Variants in PRKG1 observed in about 807,000 individuals in gnomAD.
PRKG1 encodes cGMP-dependent protein kinase 1.
A neutral mutation model predicts 88.1 loss-of-function variants in PRKG1; 35 were observed. The observed-to-expected ratio is 0.40, with a 90% confidence interval of 0.30 to 0.53. The LOEUF is 0.53. Ranked by LOEUF, PRKG1 falls within the 20% of genes least tolerant of loss-of-function variation. PRKG1 has a pLI of 0.59. For synonymous variants in PRKG1, 303 were observed against 292.5 expected, an observed-to-expected ratio of 1.04 and a Z score of -0.37; for missense variants, 540 against 839.8, an observed-to-expected ratio of 0.64 and a Z score of 4.41.
chr10:51,575,606 A>G (rs1409232340), intron 3 of PRKG1, among the ~76,000 whole-genome samples: 1 of 152,002 alleles, frequency 6.6e-6, no homozygotes, highest in African/African-American at 2.4e-5. Flanking sequence ...CTACCAGGAA[A>G]ACAATGGTAA....
intron 1 of PRKG1, among the ~76,000 whole-genome samples, chr10:51,053,610 T>C (rs1393565466): frequency 1.3e-5 from 2 of 152,194 alleles, no homozygotes; most frequent in African/African-American, 4.8e-5. Flanking sequence ...ACATGGGAAC[T>C]AGACTTTAAC....
intron 3 of PRKG1, among the ~76,000 whole-genome samples, chr10:51,578,281 A>G (rs12247919): frequency 0.069 from 10,482 of 152,226 alleles, 1,196 homozygotes; most frequent in African/African-American, 0.24. Context: ...AAGTGGTCAA[A>G]TTAATAACCT....
At chr10:51,025,558 C>T (rs902671921) in intron 1 of PRKG1, among the ~76,000 whole-genome samples, 2 of 152,166 alleles carry the variant, frequency 1.3e-5, no homozygotes, top group African/African-American at 2.4e-5. Context: ...GGCTGCCCAA[C>T]TCTGTCATGC....
chr10:51,158,251 A>C (rs1020678903), intron 2 of PRKG1, among the ~76,000 whole-genome samples: 16 of 151,994 alleles, frequency 1.1e-4, no homozygotes, highest in Middle Eastern at 3.4e-3. Context: ...TGTTATCTAC[A>C]TGTTAATAAA....
chr10:51,925,510 G>C (rs144154011), intron 5 of PRKG1, among the ~76,000 whole-genome samples: 2 of 152,108 alleles, frequency 1.3e-5, no homozygotes, highest in Middle Eastern at 3.2e-3. Context: ...AGACTAGAGG[G>C]AACTGGACTG....
At chr10:51,823,272 A>T (rs768208267) in intron 4 of PRKG1, among the ~76,000 whole-genome samples, 1 of 152,200 alleles carries the variant, frequency 6.6e-6, no homozygotes, top group Non-Finnish European at 1.5e-5. Context: ...TTTAATAAAA[A>T]GTCTAACATA....
At chr10:51,313,859 T>C (rs1841254626) in intron 2 of PRKG1, among the ~76,000 whole-genome samples, 1 of 152,222 alleles carries the variant, frequency 6.6e-6, no homozygotes, top group Non-Finnish European at 1.5e-5. Context: ...TTCAGTGTAG[T>C]ACTTGGCACA....
chr10:51,347,500 A>G (rs1842139141), intron 2 of PRKG1, among the ~76,000 whole-genome samples: 1 of 152,234 alleles, frequency 6.6e-6, no homozygotes, highest in East Asian at 1.9e-4. Context: ...TGGTTGTTGG[A>G]ATACCAGCCA....
rs536930415 is a variant in PRKG1 at position 51,664,791 on chromosome 10, A to AT, written c.593-139787dup. Among the ~76,000 whole-genome samples, 205 of 152,294 alleles carry AT rather than the reference A, an allele frequency of 1.3e-3. 1 individual carries two copies. The highest frequency in any genetic ancestry group is 6.8e-3 in the Middle Eastern group (2 of 294). ...AAACTTCCTGAACATCAATGTTCTC[A>AT]TTTTTTTAAATGAAGAAGATAGTAC... On this transcript the variant is annotated intron_variant, in intron 3 of 17. Coordinates refer to ENST00000373980, the MANE Select transcript of PRKG1 (RefSeq NM_006258.4).
chr10:51,748,958 AG>A (rs2132505595), intron 3 of PRKG1, among the ~76,000 whole-genome samples: 1 of 152,352 alleles, frequency 6.6e-6, no homozygotes, highest in Non-Finnish European at 1.5e-5. Flanking sequence ...GGGAGAAGAA[AG>A]GAAAATGAAG....
chr10:52,264,886 A>C (rs1332365593), intron 10 of PRKG1, among the ~76,000 whole-genome samples: 1 of 151,990 alleles, frequency 6.6e-6, no homozygotes, highest in African/African-American at 2.4e-5. Flanking sequence ...AGAGAATATG[A>C]ACATAAATGT....
At position 51,538,559 on chromosome 10, in the gene PRKG1, G is replaced by A. The variant is rs116191620; in HGVS notation, c.592+70723G>A. 2.8e-3 allele frequency among the ~76,000 whole-genome samples: 389 copies of A among 137,710 alleles called. 1 individual carries two copies. The highest frequency in any genetic ancestry group is 9.5e-3 in the African/African-American group (354 of 37,414). The allele number at this position is 137,710 out of a possible 152,430, so 90.3% of individuals were successfully genotyped here. A position where few individuals can be genotyped will look rare whatever the true frequency, so the allele number is the denominator to read the frequency against. On this transcript the variant is annotated intron_variant, in intron 3 of 17. Coordinates refer to ENST00000373980, the MANE Select transcript of PRKG1 (RefSeq NM_006258.4). ...GAACCAGTTTGATTTTTAAATTAACGGGCTGTTATAGAGGACAAAAAAGAT... is the reference window on the plus strand; with the variant it reads ...GAACCAGTTTGATTTTTAAATTAACAGGCTGTTATAGAGGACAAAAAAGAT...
intron 3 of PRKG1, among the ~76,000 whole-genome samples, chr10:51,597,509 G>C (rs1838484099): frequency 6.6e-6 from 1 of 152,088 alleles, no homozygotes; most frequent in African/African-American, 2.4e-5. Context: ...GATATCTCTT[G>C]GCATATCTCA....
intron 3 of PRKG1, among the ~76,000 whole-genome samples, chr10:51,764,812 A>G (rs1378238101): frequency 6.6e-6 from 1 of 152,182 alleles, no homozygotes; most frequent in Non-Finnish European, 1.5e-5. Context: ...ACCTTTGGGG[A>G]GGTGATTAAA....
At chr10:51,279,188 A>G (rs1206287411) in intron 2 of PRKG1, among the ~76,000 whole-genome samples, 2 of 152,120 alleles carry the variant, frequency 1.3e-5, no homozygotes, top group Admixed American at 6.5e-5. Context: ...GAACATCTTT[A>G]TTTCTGCCTT....
intron 4 of PRKG1, among the ~76,000 whole-genome samples, chr10:51,808,036 C>T (rs1839352358): frequency 6.6e-6 from 1 of 152,000 alleles, no homozygotes; most frequent in African/African-American, 2.4e-5. Context: ...ATACTTGGTA[C>T]CATTTATTTT....
chr10:51,893,387 T>C (rs1391903614), intron 4 of PRKG1, among the ~76,000 whole-genome samples: 1 of 152,030 alleles, frequency 6.6e-6, no homozygotes, highest in Admixed American at 6.6e-5. Flanking sequence ...TTTTGAAATA[T>C]AAGATGTGCT....
At chr10:51,699,663 C>T in intron 3 of PRKG1, 1 of 1,234,542 alleles carries the variant, frequency 8.1e-7, no homozygotes, top group Admixed American at 2.3e-5. Context: ...AGAAACTTTA[C>T]TAATTCGCTT....
chr10:50,991,761 G>A lies in PRKG1; in HGVS notation c.266+117G>A, dbSNP rs1188635673. The A allele has an allele frequency of 3.9e-6, 3 of 773,798 alleles. No homozygotes were observed. Among genetic ancestry groups the A allele is most frequent in the Middle Eastern group, 6.3e-4 (1 of 1,596 alleles). The allele number at this position is 773,798 out of a possible 1,614,324, so 47.9% of individuals were successfully genotyped here. Reference sequence around the variant, plus strand: ...CAGGGCGCCCCCTGCTCGCTGCGGCGCGCGGAGTGGGGGTGGCCCCGCGGC... The same window carrying A: ...CAGGGCGCCCCCTGCTCGCTGCGGCACGCGGAGTGGGGGTGGCCCCGCGGC... On this transcript the variant is annotated intron_variant, in intron 1 of 17. Coordinates refer to the PRKG1 transcript ENST00000401604. This position sits in a 1 kb window ranked among gnomAD's most constrained non-coding sequence, Gnocchi z 4.5.
Sources: allele counts gnomAD v4.1 joint callset (sites outside exome capture counted in the v4.1 genomes callset), GRCh38; gene constraint gnomAD v4.1.1; non-coding constraint Gnocchi (gnomAD v3.1); transcripts MANE v1.5; gene names NCBI Gene and HGNC (gene_info 2026-07-23, HGNC 2026-07-21).